ANKHD1: variants seen among roughly 807,000 people sequenced by gnomAD.
ANKHD1 encodes ankyrin repeat and KH domain containing 1.
ANKHD1 carries 31 observed loss-of-function variants against 230.5 expected under a neutral mutation model. The observed-to-expected ratio is 0.13, with a 90% CI of 0.10 to 0.18. The LOEUF (loss-of-function observed/expected upper bound fraction) is 0.18. Ranked by LOEUF, ANKHD1 falls within the 10% of genes least tolerant of loss-of-function variation. The pLI is 1.00. For missense variants in ANKHD1, 2,256 were observed against 3,071.3 expected, an observed-to-expected ratio of 0.73 and a Z score of 6.27; for synonymous variants, 1,074 against 1,117.6, an observed-to-expected ratio of 0.96 and a Z score of 0.78.
chr5:140,461,498 A>G (rs1384101916), intron 9 of ANKHD1, among the ~76,000 whole-genome samples: 2 of 152,202 alleles, frequency 1.3e-5, no homozygotes, highest in Non-Finnish European at 2.9e-5. Context: ...CAATTAAAAC[A>G]AATTTAACAA....
Position 140,449,219 on chromosome 5 carries a change from G to A in ANKHD1, c.1156G>A (p.Asp386Asn), listed in dbSNP as rs1246209541. ...TTGTTCCTTTTTTCAAGGCCATTTG[G>A]ATATGGTTCGCTTTCTACTTGAAGC... ...LTLACYKGHL[D>N]MVRFLLEAGA... Residue 386 changes from aspartate to asparagine, a missense_variant, in exon 7 of 34, where the codon GAT becomes AAT. Physicochemically the swap from Asp to Asn is conservative, Grantham distance 23. This residue lies in a region of ANKHD1 where 206 missense variants were observed against 304.5 expected (regional missense o/e 0.68). Transcript: ENST00000360839. The A allele has an allele frequency of 6.2e-7, 1 of 1,611,212 alleles. No individual in the cohort carries two copies. Among genetic ancestry groups the A allele is most frequent in the Admixed American group, 1.7e-5 (1 of 59,804 alleles).
intron 1 of ANKHD1, among the ~76,000 whole-genome samples, chr5:140,419,011 A>G (rs191680645): frequency 2.0e-5 from 3 of 152,228 alleles, no homozygotes; most frequent in Non-Finnish European, 4.4e-5. Context: ...AGTTATAGGC[A>G]TGAGCCATCA....
chr5:140,424,160 GTATA>G (rs1272222096), intron 1 of ANKHD1, among the ~76,000 whole-genome samples: 6 of 151,288 alleles, frequency 4.0e-5, no homozygotes. Context: ...ATATACCCTG[GTATA>G]TATACTTCCA....
chr5:140,523,987 G>T, intron 24 of ANKHD1, 79 bp from the exon 25 acceptor site: 1 of 1,470,884 alleles, frequency 6.8e-7, no homozygotes, highest in Non-Finnish European at 9.0e-7. Context: ...AAATCCCTGT[G>T]TATCATAAAA....
intron 11 of ANKHD1, 70 bp downstream of exon 11, chr5:140,482,737 A>C: frequency 6.5e-7 from 1 of 1,533,688 alleles, no homozygotes; most frequent in Non-Finnish European, 8.8e-7. Flanking sequence ...AAACTGTTGC[A>C]ATTTATGTTA....
Position 140,506,180 on chromosome 5 carries a change from C to A in ANKHD1, c.3408+311C>A, listed in dbSNP as rs918193828. Among the ~76,000 whole-genome samples the A allele has an allele frequency of 5.3e-5, 8 of 152,316 alleles. No individual in the cohort carries two copies. Among genetic ancestry groups the A allele is most frequent in the Admixed American group, 1.3e-4 (2 of 15,294 alleles). On this transcript the variant is annotated intron_variant, in intron 18 of 33. Transcript: ENST00000360839. This position sits in a 1 kb window ranked among gnomAD's most constrained non-coding sequence, Gnocchi z 4.7. ...GCCTCAAGCAATCCTCTCTCCTCGG[C>A]CTCCCAAAGTACAGGGATTATAGTT...
At chr5:140,431,171 CAGT>C (rs1450659189) in intron 1 of ANKHD1, among the ~76,000 whole-genome samples, 2 of 152,082 alleles carry the variant, frequency 1.3e-5, no homozygotes, top group Non-Finnish European at 2.9e-5. Context: ...ACAAAGGAAA[CAGT>C]AGTGCTTTTT....
intron 1 of ANKHD1, among the ~76,000 whole-genome samples, chr5:140,410,546 A>T (rs1156912117): frequency 1.3e-5 from 2 of 148,736 alleles, no homozygotes; most frequent in Non-Finnish European, 1.5e-5. Context: ...AGTTTACCAA[A>T]TTTTTTTTTT....
Position 140,504,945 on chromosome 5 carries a change from T to G in ANKHD1, c.3129T>G (p.Pro1043=), listed in dbSNP as rs1752481138. Residue 1043 remains proline (P), a synonymous_variant, in exon 16 of 34, where the codon CCT becomes CCG. Transcript: ENST00000360839. ...VASQSMPPVY[P]SVDIDAHTES... is the part of the protein sequence containing the mutation. ...CCCAATCGATGCCTCCTGTGTATCC[T>G]TCAGTTGACATTGATGCACATGTGA... 1 of 1,614,142 alleles carries G rather than the reference T, an allele frequency of 6.2e-7. No homozygotes were observed. The highest frequency in any genetic ancestry group is 8.5e-7 in the Non-Finnish European group (1 of 1,180,008).
chr5:140,439,130 G>T (rs558694582), intron 3 of ANKHD1, among the ~76,000 whole-genome samples: 2 of 152,144 alleles, frequency 1.3e-5, no homozygotes, highest in East Asian at 3.9e-4. Flanking sequence ...CGAGTAACTC[G>T]TACACATTAA....
intron 1 of ANKHD1, among the ~76,000 whole-genome samples, chr5:140,435,563 G>A (rs1281310831): frequency 6.6e-6 from 1 of 151,924 alleles, no homozygotes; most frequent in East Asian, 1.9e-4. Flanking sequence ...ATTTTTAGTA[G>A]AGATGAGGTT....
At chr5:140,426,528 A>G (rs141814402) in intron 1 of ANKHD1, among the ~76,000 whole-genome samples, 1 of 150,890 alleles carries the variant, frequency 6.6e-6, no homozygotes. Context: ...TTATTTATTT[A>G]TTTTTTTATT....
intron 4 of ANKHD1, 149 bp downstream of exon 4, chr5:140,440,415 AACAGATAAC>A (rs2126920237): frequency 8.1e-7 from 1 of 1,236,662 alleles, no homozygotes; most frequent in East Asian, 2.9e-5. Context: ...GTAAAGTAGA[AACAGATAAC>A]ACAGTTTATT....
chr5:140,409,037 G>T (rs530173949), intron 1 of ANKHD1, among the ~76,000 whole-genome samples: 1 of 152,296 alleles, frequency 6.6e-6, no homozygotes, highest in Admixed American at 6.5e-5. Flanking sequence ...ACCCGATTAT[G>T]ATAGCCAAAA....
At chr5:140,460,352 T>C (rs569983354) in intron 9 of ANKHD1, among the ~76,000 whole-genome samples, 12 of 152,236 alleles carry the variant, frequency 7.9e-5, no homozygotes, top group African/African-American at 2.9e-4. Context: ...ACGTCTGATA[T>C]ATTATTTAAA....
At chr5:140,403,811 G>A (rs768602247) in intron 1 of ANKHD1, among the ~76,000 whole-genome samples, 3 of 152,194 alleles carry the variant, frequency 2.0e-5, no homozygotes, top group Non-Finnish European at 4.4e-5. Context: ...TCTGGTCTTG[G>A]TGTTAAAGTA....
chr5:140,500,065 T>C (rs762492056), intron 15 of ANKHD1, among the ~76,000 whole-genome samples: 68 of 152,012 alleles, frequency 4.5e-4, no homozygotes, highest in Middle Eastern at 3.4e-3. Flanking sequence ...GATGGGGTTT[T>C]ACCATGTTGG....
At chr5:140,483,865 T>TA (rs1241375285) in intron 11 of ANKHD1, among the ~76,000 whole-genome samples, 3 of 152,186 alleles carry the variant, frequency 2.0e-5, no homozygotes, top group Non-Finnish European at 4.4e-5. Flanking sequence ...CTTTACATAA[T>TA]ATAGTCTGTA....
chr5:140,415,410 A>G (rs1736425146), intron 1 of ANKHD1, among the ~76,000 whole-genome samples: 2 of 151,396 alleles, frequency 1.3e-5, no homozygotes. Flanking sequence ...TTTATAGTCT[A>G]AGCTTTTAAA....
Sources: allele counts gnomAD v4.1 joint callset (sites outside exome capture counted in the v4.1 genomes callset), GRCh38; gene constraint gnomAD v4.1.1; regional missense constraint gnomAD v4.1.1; non-coding constraint Gnocchi (gnomAD v3.1); transcripts MANE v1.5; gene names NCBI Gene and HGNC (gene_info 2026-07-23, HGNC 2026-07-21).